The following KIAA0825 variants were observed in gnomAD, a reference collection of about 807,000 sequenced individuals.
KIAA0825 encodes the protein KIAA0825.
In KIAA0825, 119 loss-of-function variants were observed where a neutral mutation model predicts 147.6. The ratio of observed to expected loss-of-function variants is 0.81; its 90% confidence interval spans 0.69 to 0.94. KIAA0825 has a LOEUF of 0.94. Among genes scored for constraint, KIAA0825 ranks in the 40% least tolerant of loss-of-function variants. The pLI is 0.00. For missense variants in KIAA0825, 1,381 were observed against 1,472.7 expected, an observed-to-expected ratio of 0.94 and a Z score of 1.02; for synonymous variants, 470 against 518.1, an observed-to-expected ratio of 0.91 and a Z score of 1.26.
At position 94,549,696 on chromosome 5, in the gene KIAA0825, C is replaced by T. The variant is rs532713254; in HGVS notation, c.-1-12569G>A. ...CTACTGCACTTCAGCCAGCCTGGGC[C>T]ACAGAGTGAGACTCCATCTCAAAAA... On this transcript the variant is annotated intron_variant, in intron 2 of 20. Transcript: ENST00000682413. 9.2e-5 allele frequency among the ~76,000 whole-genome samples: 14 copies of T among 152,104 alleles called. No individual in the cohort carries two copies. The South Asian group carries it at 2.9e-3, about 32-fold the overall frequency.
chr5:94,196,385 A>G (rs1583817158), intron 20 of KIAA0825, among the ~76,000 whole-genome samples: 1 of 152,124 alleles, frequency 6.6e-6, no homozygotes, highest in East Asian at 1.9e-4. Context: ...TAAAATCATC[A>G]CAATCTTCTT....
At chr5:94,442,388 C>T (rs553300089) in intron 13 of KIAA0825, among the ~76,000 whole-genome samples, 258 of 152,256 alleles carry the variant, frequency 1.7e-3, no homozygotes, top group Non-Finnish European at 3.2e-3. Context: ...AGGAAACCTC[C>T]TGCCTTGGGT....
At chr5:94,182,022 G>A (rs1304320062) in intron 20 of KIAA0825, among the ~76,000 whole-genome samples, 1 of 151,974 alleles carries the variant, frequency 6.6e-6, no homozygotes, top group Admixed American at 6.6e-5. Flanking sequence ...CTGACAAGAT[G>A]TTTAAACTCC....
chr5:94,314,149 C>T (rs1344628549), intron 20 of KIAA0825, among the ~76,000 whole-genome samples: 1 of 151,498 alleles, frequency 6.6e-6, no homozygotes, highest in Non-Finnish European at 1.5e-5. Flanking sequence ...TACACATATG[C>T]TGTAACACAT....
intron 20 of KIAA0825, among the ~76,000 whole-genome samples, chr5:94,351,924 C>T (rs1783715395): frequency 1.3e-5 from 2 of 152,236 alleles, no homozygotes; most frequent in Non-Finnish European, 2.9e-5. Context: ...CAAAAATCAA[C>T]TCAAGATGGA....
intron 6 of KIAA0825, among the ~76,000 whole-genome samples, chr5:94,484,244 G>A (rs184269672): frequency 2.0e-5 from 3 of 151,642 alleles, no homozygotes; most frequent in South Asian, 2.1e-4. Flanking sequence ...ATTTTCTTAG[G>A]TATTTTATTT....
intron 1 of KIAA0825, among the ~76,000 whole-genome samples, chr5:94,596,658 G>A (rs1467460281): frequency 6.6e-6 from 1 of 152,084 alleles, no homozygotes; most frequent in Non-Finnish European, 1.5e-5. Flanking sequence ...TCTGTAAATT[G>A]CTTTGGGCAG....
chr5:94,603,266 A>G (rs996206987), intron 1 of KIAA0825, among the ~76,000 whole-genome samples: 3 of 152,230 alleles, frequency 2.0e-5, no homozygotes, highest in African/African-American at 7.2e-5. Context: ...CTGGGGGCCA[A>G]TATTTAGCAT....
intron 20 of KIAA0825, among the ~76,000 whole-genome samples, chr5:94,339,963 A>G (rs1782198226): frequency 1.3e-5 from 2 of 152,250 alleles, no homozygotes; most frequent in South Asian, 4.1e-4. Flanking sequence ...TATGGGTTAA[A>G]GAAAGCATTC....
intron 20 of KIAA0825, among the ~76,000 whole-genome samples, chr5:94,315,734 T>C (rs1236478885): frequency 6.6e-6 from 1 of 151,738 alleles, no homozygotes; most frequent in Non-Finnish European, 1.5e-5. Flanking sequence ...CATGTGGGGC[T>C]TAGAGAACAA....
chr5:94,161,176 T>C (rs77097349), intron 20 of KIAA0825, among the ~76,000 whole-genome samples: 2,412 of 152,282 alleles, frequency 0.016, 70 homozygotes, highest in East Asian at 0.14. Context: ...TCTCCAGATA[T>C]CCAGATCCAA....
chr5:94,308,668 GCATT>G (rs1222607419), intron 20 of KIAA0825, among the ~76,000 whole-genome samples: 1 of 151,756 alleles, frequency 6.6e-6, no homozygotes, highest in Admixed American at 6.6e-5. Context: ...GTGAGTATCT[GCATT>G]CATTCATTCA....
chr5:94,465,091 G>A (rs752385660), intron 10 of KIAA0825, 32 bp from the exon 11 acceptor site: 2 of 1,527,432 alleles, frequency 1.3e-6, no homozygotes, highest in South Asian at 1.2e-5. Context: ...AAACCATAGA[G>A]TTACATCTTC....
intron 2 of KIAA0825, among the ~76,000 whole-genome samples, chr5:94,564,537 AGTGTGTGTGTGTGTGTGTGTGT>A (rs56256662): frequency 3.0e-5 from 1 of 32,928 alleles, no homozygotes; most frequent in Non-Finnish European, 5.3e-5. Context: ...CTTATTTTTG[AGTGTGTGTGTGTGTGTGTGTGT>A]GTGTGTGTGT....
intron 20 of KIAA0825, among the ~76,000 whole-genome samples, chr5:94,373,110 C>A (rs1431634488): frequency 1.3e-5 from 2 of 152,200 alleles, no homozygotes; most frequent in Non-Finnish European, 2.9e-5. Context: ...AGCCATTCAA[C>A]AAGTTTCTAG....
chr5:94,176,406 G>A (rs959781638), intron 20 of KIAA0825, among the ~76,000 whole-genome samples: 8 of 152,090 alleles, frequency 5.3e-5, no homozygotes, highest in Non-Finnish European at 1.0e-4. Context: ...TCTTTTCTTT[G>A]TAAATTACCC....
rs3217175 is a variant in KIAA0825 at position 94,462,220 on chromosome 5, CTGTT to C, written c.2246+163_2246+166del. ...GAATTGCATCGAGAATTATGAAACT[CTGTT>C]GGTTGGTGTTAGTTTTATAAAATGG... On this transcript the variant is annotated intron_variant, in intron 12 of 20. Transcript: ENST00000682413. Among the ~76,000 whole-genome samples, 13 of 151,982 alleles carry C rather than the reference CTGTT, an allele frequency of 8.6e-5. No homozygotes were observed. The East Asian group carries it at 2.3e-3, about 27-fold the overall frequency.
intron 20 of KIAA0825, among the ~76,000 whole-genome samples, chr5:94,337,198 A>G (rs1781897907): frequency 6.6e-6 from 1 of 152,214 alleles, no homozygotes; most frequent in African/African-American, 2.4e-5. Context: ...TTTAGAAAAA[A>G]AATGAGATTG....
Position 94,484,849 on chromosome 5 carries a change from G to T in KIAA0825, c.1052C>A (p.Ser351Tyr). ...AACACCTTTTTCCAGTTTCATAAAG[G>T]ATTTTATGAGCTGCGATAAGAATTC... Reference protein sequence around the residue: ...KVEFLSQLIKSFMKLEKGVQE... With the variant: ...KVEFLSQLIKYFMKLEKGVQE... Residue 351 changes from serine to tyrosine, a missense_variant, in exon 6 of 21, where the codon TCC (serine) becomes TAC (tyrosine). By Grantham distance (144) the Ser-to-Tyr change is moderately radical (BLOSUM62 -2). Transcript: ENST00000682413. The T allele has an allele frequency of 1.3e-6, 2 of 1,535,426 alleles. No homozygotes were observed. The highest frequency in any genetic ancestry group is 8.8e-7 in the Non-Finnish European group (1 of 1,135,466).
Sources: allele counts gnomAD v4.1 joint callset (sites outside exome capture counted in the v4.1 genomes callset), GRCh38; gene constraint gnomAD v4.1.1; transcripts MANE v1.5; gene names NCBI Gene and HGNC (gene_info 2026-07-23, HGNC 2026-07-21).